The following C6orf62 variants were observed in gnomAD, a reference collection of about 807,000 sequenced individuals.
The protein encoded by C6orf62 is chromosome 6 open reading frame 62, also known as uncharacterized protein C6orf62.
A neutral mutation model predicts 26.8 loss-of-function variants in C6orf62; 16 were observed. The ratio of observed to expected loss-of-function variants is 0.60; its 90% confidence interval spans 0.40 to 0.91. C6orf62 has a LOEUF of 0.91. Ranked by LOEUF, C6orf62 falls within the 40% of genes least tolerant of loss-of-function variation. C6orf62 has a pLI of 0.00. For synonymous variants in C6orf62, 112 were observed against 91.5 expected (o/e 1.22, Z -1.28); for missense variants, 192 against 271.4 (o/e 0.71, Z 2.06).
At chr6:24,707,678 A>G (rs976301961) in intron 4 of C6orf62, among the ~76,000 whole-genome samples, 5 of 151,994 alleles carry the variant, frequency 3.3e-5, no homozygotes, top group African/African-American at 9.7e-5. Flanking sequence ...ATAAATGTGG[A>G]TCTTTTAAAT....
intron 3 of C6orf62, chr6:24,709,513 TA>T (rs1168268380): frequency 3.1e-6 from 3 of 976,194 alleles, no homozygotes; most frequent in East Asian, 2.3e-4. Context: ...TCCTCATCTA[TA>T]AAATAAGGCT....
At chr6:24,714,241 A>C (rs1411787882) in intron 3 of C6orf62, 77 bp downstream of exon 3, 1 of 1,144,022 alleles carries the variant, frequency 8.7e-7, no homozygotes, top group Non-Finnish European at 1.2e-6. Context: ...TTCCCAAAGA[A>C]TTTCTCAAGT....
At chr6:24,709,960 G>T in intron 3 of C6orf62, 1 of 985,366 alleles carries the variant, frequency 1.0e-6, no homozygotes. Flanking sequence ...CCAAGTTCCT[G>T]CTATGTAGCA....
chr6:24,714,136 C>A (rs1433502989), intron 3 of C6orf62, among the ~76,000 whole-genome samples, 182 bp downstream of exon 3: 1 of 152,210 alleles, frequency 6.6e-6, no homozygotes, highest in Non-Finnish European at 1.5e-5. Context: ...AACCACCACA[C>A]TGTCAAGAGA....
upstream of C6orf62, chr6:24,719,851 GCGA>G: frequency 7.2e-6 from 11 of 1,519,384 alleles, no homozygotes; most frequent in Non-Finnish European, 9.8e-6. Flanking sequence ...TTCAGCGGCA[GCGA>G]CTCACTCGCA....
upstream of C6orf62, chr6:24,719,733 T>C (rs770872619): frequency 2.5e-5 from 38 of 1,529,988 alleles, no homozygotes; most frequent in Non-Finnish European, 3.1e-5. Flanking sequence ...ATTTATCTTC[T>C]TGTGAGCATT....
At chr6:24,719,431 C>T, upstream of C6orf62, 1 of 1,075,244 alleles carries the variant, frequency 9.3e-7, no homozygotes, top group Non-Finnish European at 1.1e-6. Context: ...ACAGTGTATA[C>T]CGGGGGCGGG....
At chr6:24,718,473 G>A in intron 1 of C6orf62, 67 bp downstream of exon 1, 1 of 1,416,806 alleles carries the variant, frequency 7.1e-7, no homozygotes, top group Non-Finnish European at 9.7e-7. Context: ...AATAATTTAA[G>A]AGTAACAAAT....
At position 24,705,415 on chromosome 6, in the gene C6orf62, T is replaced by C. The variant is rs1246766614; in HGVS notation, c.*722A>G. ...GTATTTCTGTTTTATAGCTGCTTTATAGCTACTTCAGACTCCAGATCTGCT... is the reference window on the plus strand; with the variant it reads ...GTATTTCTGTTTTATAGCTGCTTTACAGCTACTTCAGACTCCAGATCTGCT... On this transcript the variant is annotated 3_prime_UTR_variant, in exon 5 of 5. Transcript: ENST00000378119. 1.3e-5 allele frequency: 2 copies of C among 152,684 alleles called. No individual in the cohort carries two copies. The highest frequency in any genetic ancestry group is 4.8e-5 in the African/African-American group (2 of 41,454). The allele number at this position is 152,684 out of a possible 1,614,324, so 9.5% of individuals were successfully genotyped here.
Position 24,706,277 on chromosome 6 carries a change from C to T in C6orf62, c.565-15G>A, listed in dbSNP as rs1779008240. 4.3e-6 allele frequency: 7 copies of T among 1,613,132 alleles called. 1 individual carries two copies. The Admixed American group carries it at 5.0e-5, about 12-fold the overall frequency. On this transcript the variant is annotated splice_polypyrimidine_tract_variant and intron_variant, in intron 4 of 4. Coordinates refer to ENST00000378119, the MANE Select transcript of C6orf62 (RefSeq NM_030939.5). ...TTTTTTGGAGTCTGGAAGGGGAAAACATTTTAATATTTTTTAAAAATAAGA... is the reference window on the plus strand; with the variant it reads ...TTTTTTGGAGTCTGGAAGGGGAAAATATTTTAATATTTTTTAAAAATAAGA...
intron 3 of C6orf62, chr6:24,710,350 C>T: frequency 1.7e-6 from 1 of 590,998 alleles, no homozygotes; most frequent in Non-Finnish European, 2.1e-6. Context: ...ACTGCAACCT[C>T]CGCCTCCTGG....
Position 24,706,043 on chromosome 6 carries a change from T to C in C6orf62, c.*94A>G. 1 of 1,520,742 alleles carries C rather than the reference T, an allele frequency of 6.6e-7. No individual in the cohort carries two copies. Among genetic ancestry groups the C allele is most frequent in the Non-Finnish European group, 8.8e-7 (1 of 1,130,720 alleles). 94.2% of individuals were successfully genotyped at this position (1,520,742 alleles called of 1,614,324 possible). A position where few individuals can be genotyped will look rare whatever the true frequency, so the allele number is the denominator to read the frequency against. On this transcript the variant is annotated 3_prime_UTR_variant, in exon 5 of 5. Coordinates refer to ENST00000378119, the MANE Select transcript of C6orf62 (RefSeq NM_030939.5). ...CATAGTGTTCTGTGCATGAGTCCAT[T>C]TTCTTTAAACTCTGAAAGAATAAAG...
intron 1 of C6orf62, among the ~76,000 whole-genome samples, chr6:24,717,501 TTAAGAGTTGGGGC>T (rs1260588493): frequency 2.6e-5 from 4 of 152,142 alleles, no homozygotes. Flanking sequence ...CTTTTAGGAG[TTAAGAGTTGGGGC>T]TGTGCGTGGC....
At position 24,716,326 on chromosome 6, in the gene C6orf62, T is replaced by C. The variant is rs1188164981; in HGVS notation, c.130-2A>G. On this transcript the variant is annotated splice_acceptor_variant, in intron 1 of 4. Transcript: ENST00000378119. LOFTEE classifies it high-confidence loss of function. ...TTCAAAAAGTGCTGACTTTTTCTTC[T>C]AGAAGAAAAGAAAATGGTGTATTAA... 1 of 1,611,732 alleles carries C rather than the reference T, an allele frequency of 6.2e-7. No homozygotes were observed. The highest frequency in any genetic ancestry group is 8.5e-7 in the Non-Finnish European group (1 of 1,178,278).
rs1019476416 is a variant in C6orf62 at position 24,705,450 on chromosome 6, A to G, written c.*687T>C. ...AGACTCCAGATCTGCTTTAATGTGT[A>G]TAACTGCATCCACACGCAGCAGAAT... On this transcript the variant is annotated 3_prime_UTR_variant, in exon 5 of 5. Coordinates refer to ENST00000378119, the MANE Select transcript of C6orf62 (RefSeq NM_030939.5). 1 of 152,662 alleles carries G rather than the reference A, an allele frequency of 6.6e-6. No individual in the cohort carries two copies. The highest frequency in any genetic ancestry group is 2.4e-5 in the African/African-American group (1 of 41,460). The allele number at this position is 152,662 out of a possible 1,614,324, so 9.5% of individuals were successfully genotyped here. A position where few individuals can be genotyped will look rare whatever the true frequency, so the allele number is the denominator to read the frequency against.
chr6:24,716,285 G>A lies in C6orf62; in HGVS notation c.169C>T (p.Pro57Ser). 2 of 1,613,898 alleles carry A rather than the reference G, an allele frequency of 1.2e-6. No homozygotes were observed. Among genetic ancestry groups the A allele is most frequent in the South Asian group, 2.2e-5 (2 of 91,074 alleles). The change falls in exon 2 of 5, where the codon CCA (proline) becomes TCA (serine). Residue 57 changes from proline (P) to serine (S), a missense_variant. By Grantham distance (74) the Pro-to-Ser change is moderately conservative (BLOSUM62 -1). Transcript: ENST00000378119. ...TCTTCATAATTATTTGTCATGACTG[G>A]TATAACCTCAGACACTTCAAAAAGT... The part of the protein sequence containing the change: ...SALFEVSEVI[P>S]VMTNNYEENI...
Position 24,715,672 on chromosome 6 carries a change from C to T in C6orf62, c.306+476G>A, listed in dbSNP as rs151302347. Among the ~76,000 whole-genome samples the T allele has an allele frequency of 1.4e-4, 22 of 152,012 alleles. No individual in the cohort carries two copies. The East Asian group carries it at 4.1e-3, about 28-fold the overall frequency. On this transcript the variant is annotated intron_variant, in intron 2 of 4. Coordinates refer to ENST00000378119, the MANE Select transcript of C6orf62 (RefSeq NM_030939.5). ...GACCAGCCTAGCCAACATGGCAAAA[C>T]CCCATCTCTACTAAAAACACAAAAA...
At chr6:24,712,498 G>A (rs1385392474) in intron 3 of C6orf62, among the ~76,000 whole-genome samples, 3 of 151,852 alleles carry the variant, frequency 2.0e-5, no homozygotes. Context: ...GTGAAAACCC[G>A]TCTCTACTAA....
chr6:24,713,194 G>A (rs374500480), intron 3 of C6orf62, among the ~76,000 whole-genome samples: 1 of 152,102 alleles, frequency 6.6e-6, no homozygotes, highest in Non-Finnish European at 1.5e-5. Context: ...ATCATAAATC[G>A]AGGAGCACAA....
Sources: gnomAD v4.1 joint callset for allele counts (sites outside exome capture counted in the v4.1 genomes callset) on GRCh38, gnomAD v4.1.1 for gene constraint, MANE v1.5 for transcripts, NCBI Gene and HGNC (gene_info 2026-07-23, HGNC 2026-07-21) for gene names.